SENP6: variants seen among roughly 807,000 people sequenced by gnomAD.
SENP6 encodes the protein sentrin-specific protease 6.
In SENP6, 41 loss-of-function variants were observed where a neutral mutation model predicts 134.5. That is an observed-to-expected ratio of 0.30 (90% confidence interval 0.24 to 0.40). The LOEUF is 0.40. Among genes scored for constraint, SENP6 ranks in the 10% least tolerant of loss-of-function variants. The probability of loss-of-function intolerance (pLI) is 1.00; values close to 1 mark genes in which losing one functional copy is unlikely to be tolerated. For missense variants in SENP6, 1,248 were observed against 1,312.5 expected, an observed-to-expected ratio of 0.95 and a Z score of 0.76; for synonymous variants, 395 against 429.8, an observed-to-expected ratio of 0.92 and a Z score of 1.00.
At chr6:75,640,309 T>C (rs1337295148) in intron 5 of SENP6, among the ~76,000 whole-genome samples, 1 of 152,208 alleles carries the variant, frequency 6.6e-6, no homozygotes, top group Non-Finnish European at 1.5e-5. Flanking sequence ...TTACCAATGC[T>C]TCATTTTGGT....
intron 1 of SENP6, among the ~76,000 whole-genome samples, chr6:75,615,305 G>A (rs1272346543): frequency 2.6e-5 from 4 of 152,030 alleles, no homozygotes; most frequent in Non-Finnish European, 4.4e-5. Context: ...TCAGCCTCCC[G>A]AGTAGCTGGG....
rs1774518648 is a variant in SENP6 at position 75,694,477 on chromosome 6, T to C, written c.2076-1327T>C. ...ATACATATAACATACAATTCACCCA[T>C]TTGAAGTATACAATTCAGTGTGTTT... On this transcript the variant is annotated intron_variant, in intron 16 of 23. Coordinates refer to ENST00000447266, the MANE Select transcript of SENP6 (RefSeq NM_015571.4). Among the ~76,000 whole-genome samples, 3 of 152,352 alleles carry C rather than the reference T, an allele frequency of 2.0e-5. No homozygotes were observed. In the South Asian group the frequency reaches 6.2e-4, roughly 32 times the overall value.
chr6:75,655,718 T>C (rs2149857354), intron 7 of SENP6, among the ~76,000 whole-genome samples: 2 of 152,372 alleles, frequency 1.3e-5, no homozygotes, highest in South Asian at 4.1e-4. Context: ...AAATAATCGA[T>C]AAACAACACC....
intron 16 of SENP6, among the ~76,000 whole-genome samples, chr6:75,683,204 T>A (rs1773586952): frequency 6.6e-6 from 1 of 152,238 alleles, no homozygotes; most frequent in African/African-American, 2.4e-5. Context: ...TATAGATGTC[T>A]TCTTTAGAGA....
At chr6:75,620,670 T>C (rs1394418890) in intron 1 of SENP6, 1 of 152,222 alleles carries the variant, frequency 6.6e-6, no homozygotes, top group Non-Finnish European at 1.5e-5. Context: ...ATGTACTTTA[T>C]TTGTCTTTAG....
At chr6:75,692,074 T>C (rs967601531) in intron 16 of SENP6, among the ~76,000 whole-genome samples, 4 of 152,026 alleles carry the variant, frequency 2.6e-5, no homozygotes, top group African/African-American at 9.7e-5. Context: ...CAGGCTGGTC[T>C]CAAACTCCCG....
chr6:75,614,055 C>T lies in SENP6; in HGVS notation c.53-7477C>T, dbSNP rs201807563. Among the ~76,000 whole-genome samples the T allele has an allele frequency of 7.2e-4, 109 of 152,074 alleles. 1 individual carries two copies. The East Asian group carries it at 0.013, about 17-fold the overall frequency. On this transcript the variant is annotated intron_variant, in intron 1 of 23. Transcript: ENST00000447266. ...TATTTTGTAGTTTAATCCCAATTTG[C>T]GTTTATCTGATGTTTCCTTATGATT...
At chr6:75,666,999 A>G in intron 10 of SENP6, 58 bp downstream of exon 10, 5 of 1,239,950 alleles carry the variant, frequency 4.0e-6, no homozygotes, top group Non-Finnish European at 5.6e-6. Flanking sequence ...TGGGGTGTAA[A>G]TTTTTTTTAG....
At chr6:75,628,918 G>A (rs1250061385) in intron 3 of SENP6, among the ~76,000 whole-genome samples, 1 of 152,004 alleles carries the variant, frequency 6.6e-6, no homozygotes, top group Non-Finnish European at 1.5e-5. Context: ...TAGTGGTTTT[G>A]CCATGTTGGC....
At chr6:75,630,798 C>A (rs1194348802) in intron 3 of SENP6, among the ~76,000 whole-genome samples, 1 of 151,236 alleles carries the variant, frequency 6.6e-6, no homozygotes, top group African/African-American at 2.4e-5. Flanking sequence ...TGGATTTTAC[C>A]TTTCTACATT....
At chr6:75,655,642 C>A (rs1014032199) in intron 7 of SENP6, among the ~76,000 whole-genome samples, 6 of 152,070 alleles carry the variant, frequency 3.9e-5, no homozygotes, top group African/African-American at 1.2e-4. Context: ...TAGTTTGTTT[C>A]TTTTTAACAT....
intron 11 of SENP6, among the ~76,000 whole-genome samples, chr6:75,672,568 A>G (rs193180802): frequency 1.1e-3 from 168 of 152,326 alleles, no homozygotes; most frequent in African/African-American, 3.8e-3. Flanking sequence ...GGCATTCTTC[A>G]TTGAAGAATA....
chr6:75,666,117 GAT>G (rs929958414), intron 9 of SENP6, among the ~76,000 whole-genome samples: 6 of 141,206 alleles, frequency 4.2e-5, no homozygotes, highest in African/African-American at 1.3e-4. Context: ...ATGTATATAT[GAT>G]ATATATAAAA....
At chr6:75,626,499 C>T (rs2149833058) in intron 3 of SENP6, among the ~76,000 whole-genome samples, 1 of 152,162 alleles carries the variant, frequency 6.6e-6, no homozygotes, top group East Asian at 1.9e-4. Context: ...TATAGTACTT[C>T]ATTGGATGGA....
In SENP6 at chr6:75,697,471, G is replaced by A. The variant is rs147781437; in HGVS notation, c.2242G>A (p.Val748Ile). ...GAGAGTAAAAACATGGACCCGGCACGTAGATATTTTTGAGAAGGATTTTAT... is the reference window on the plus strand; with the variant it reads ...GAGAGTAAAAACATGGACCCGGCACATAGATATTTTTGAGAAGGATTTTAT... ...HGRVKTWTRH[V>I]DIFEKDFIFV... Residue 748 changes from valine to isoleucine, a missense_variant, in exon 18 of 24, where the codon GTA becomes ATA. Around this residue, in one of 3 missense-constraint regions of SENP6, gnomAD observed 129 missense variants for 192.0 expected, o/e 0.67. Transcript: ENST00000447266. 9.3e-6 allele frequency: 15 copies of A among 1,613,326 alleles called. No homozygotes were observed. Among genetic ancestry groups the A allele is most frequent in the African/African-American group, 6.7e-5 (5 of 74,910 alleles).
chr6:75,712,369 A>T (rs557102786), intron 21 of SENP6, among the ~76,000 whole-genome samples: 1 of 152,278 alleles, frequency 6.6e-6, no homozygotes, highest in Non-Finnish European at 1.5e-5. Flanking sequence ...AAACTTTATA[A>T]AATTTTAGCA....
In SENP6 at chr6:75,709,627, C is replaced by G; in HGVS notation, c.2817C>G (p.Asn939Lys). ...TCGACTTCTCAGAAGATCAGGATAA[C>G]CAGGTAAAACTTAATGCTTGGCAAA... is the stretch of plus-strand genomic sequence containing the variant. ...ELVDFSEDQD[N>K]QDDSSDDGFL... The change falls in exon 20 of 24, where the codon AAC becomes AAG. Residue 939 changes from asparagine to lysine, a missense_variant. Physicochemically the swap from Asn to Lys is moderately conservative, Grantham distance 94. Around this residue, in one of 3 missense-constraint regions of SENP6, gnomAD observed 386 missense variants for 395.0 expected, o/e 0.98. Transcript: ENST00000447266. 1 of 1,610,922 alleles carries G rather than the reference C, an allele frequency of 6.2e-7. No individual in the cohort carries two copies. Among genetic ancestry groups the G allele is most frequent in the Non-Finnish European group, 8.5e-7 (1 of 1,177,376 alleles).
chr6:75,643,783 G>T (rs1293171993), intron 6 of SENP6, among the ~76,000 whole-genome samples: 1 of 151,984 alleles, frequency 6.6e-6, no homozygotes, highest in African/African-American at 2.4e-5. Flanking sequence ...AATTAAACTG[G>T]TTTATCAGTT....
At chr6:75,649,768 G>C (rs1313111456) in intron 7 of SENP6, among the ~76,000 whole-genome samples, 1 of 152,106 alleles carries the variant, frequency 6.6e-6, no homozygotes, top group Non-Finnish European at 1.5e-5. Flanking sequence ...ACCCACCTCG[G>C]CCTCCCAAAG....
Sources: gnomAD v4.1 joint callset for allele counts (sites outside exome capture counted in the v4.1 genomes callset) on GRCh38, gnomAD v4.1.1 for gene constraint, gnomAD v4.1.1 regional missense constraint, MANE v1.5 for transcripts, NCBI Gene and HGNC (gene_info 2026-07-23, HGNC 2026-07-21) for gene names.